The following BATF variants were observed in gnomAD, a reference collection of about 807,000 sequenced individuals.
BATF encodes the protein basic leucine zipper ATF-like transcription factor.
BATF carries 5 observed loss-of-function variants against 13.7 expected under a neutral mutation model. The ratio of observed to expected loss-of-function variants is 0.36; its 90% confidence interval spans 0.19 to 0.77. The LOEUF (loss-of-function observed/expected upper bound fraction) is 0.77. Ranked by LOEUF, BATF falls within the 30% of genes least tolerant of loss-of-function variation. BATF has a pLI of 0.51. For missense variants in BATF, 124 were observed against 163.0 expected (o/e 0.76, Z 1.30); for synonymous variants, 72 against 67.5 (o/e 1.07, Z -0.33).
At chr14:75,526,773 C>T (rs1379223897) in intron 2 of BATF, among the ~76,000 whole-genome samples, 1 of 152,172 alleles carries the variant, frequency 6.6e-6, no homozygotes, top group Non-Finnish European at 1.5e-5. Context: ...CACTGTGTCC[C>T]CACATTCTGG....
At position 75,525,309 on chromosome 14, in the gene BATF, G is replaced by A. The variant is rs562272329; in HGVS notation, c.168+121G>A. The A allele has an allele frequency of 2.9e-5, 31 of 1,068,580 alleles. No homozygotes were observed. The East Asian group carries it at 7.9e-4, about 27-fold the overall frequency. 66.2% of individuals were successfully genotyped at this position (1,068,580 alleles called of 1,614,324 possible). On this transcript the variant is annotated intron_variant, in intron 2 of 2. Transcript: ENST00000286639. ...GGGGATGTGTATGTGGGGTGGGTTAGTGGAGGGTGAGGGCCGTGGGGTGAG... is the reference window on the plus strand; with the variant it reads ...GGGGATGTGTATGTGGGGTGGGTTAATGGAGGGTGAGGGCCGTGGGGTGAG...
At position 75,546,698 on chromosome 14, in the gene BATF, T is replaced by A. The variant is rs1419550898; in HGVS notation, c.*27T>A. The A allele has an allele frequency of 3.3e-6, 5 of 1,536,398 alleles. No homozygotes were observed. Among genetic ancestry groups the A allele is most frequent in the Non-Finnish European group, 3.5e-6 (4 of 1,141,602 alleles). On this transcript the variant is annotated 3_prime_UTR_variant, in exon 3 of 3. Coordinates refer to ENST00000286639, the MANE Select transcript of BATF (RefSeq NM_006399.5). ...CTTCCGATGCGGGGAGAGCAGAGCC[T>A]CGGGAGGGGCACACAGACTGTGGCA...
chr14:75,534,177 T>C (rs1887785075), intron 2 of BATF, among the ~76,000 whole-genome samples: 1 of 152,186 alleles, frequency 6.6e-6, no homozygotes, highest in African/African-American at 2.4e-5. Flanking sequence ...GGAAAATATT[T>C]GCATCAAATT....
chr14:75,535,934 A>G (rs1887809822), intron 2 of BATF, among the ~76,000 whole-genome samples: 3 of 152,260 alleles, frequency 2.0e-5, no homozygotes, highest in Admixed American at 2.0e-4. Context: ...TTAAGAGAGT[A>G]GGATGACACA....
At chr14:75,524,530 G>A (rs1378792471) in intron 1 of BATF, among the ~76,000 whole-genome samples, 1 of 152,060 alleles carries the variant, frequency 6.6e-6, no homozygotes, top group Non-Finnish European at 1.5e-5. Context: ...ATGACCAGGA[G>A]TCCTTGGGCA....
chr14:75,544,610 C>T (rs77602461), intron 2 of BATF, among the ~76,000 whole-genome samples: 3,845 of 151,252 alleles, frequency 0.025, 178 homozygotes, highest in African/African-American at 0.089. Context: ...GACTTCACTC[C>T]GCAAATCCCA....
Position 75,522,481 on chromosome 14 carries a change from A to C in BATF, c.-202A>C. The C allele has an allele frequency of 1.7e-6, 1 of 579,450 alleles. No individual in the cohort carries two copies. 35.9% of individuals were successfully genotyped at this position (579,450 alleles called of 1,614,324 possible). On this transcript the variant is annotated 5_prime_UTR_variant, in exon 1 of 3. An upstream start codon of the reference 5' UTR is lost. Coordinates refer to ENST00000286639, the MANE Select transcript of BATF (RefSeq NM_006399.5). ...GCGTGCAAGCCCCAAAGCGAGCGACATGTCCCTTTGGGGAGCAGTCCCTCT... is the reference window on the plus strand; with the variant it reads ...GCGTGCAAGCCCCAAAGCGAGCGACCTGTCCCTTTGGGGAGCAGTCCCTCT...
At chr14:75,530,034 A>G (rs1419459390) in intron 2 of BATF, among the ~76,000 whole-genome samples, 2 of 147,910 alleles carry the variant, frequency 1.4e-5, no homozygotes, top group Non-Finnish European at 3.0e-5. Context: ...ACTGCACTCC[A>G]GCCTGGGAGA....
At chr14:75,536,890 C>G (rs1887827364) in intron 2 of BATF, among the ~76,000 whole-genome samples, 1 of 152,156 alleles carries the variant, frequency 6.6e-6, no homozygotes, top group East Asian at 1.9e-4. Context: ...TAGCACCTCA[C>G]TAGGCTGTTT....
chr14:75,529,791 C>A lies in BATF; in HGVS notation c.168+4603C>A, dbSNP rs926589367. ...AAAGAAAAATGAACAATGGGCCGGG[C>A]GCGGCGGCTCACGCCTTAATCCCAG... On this transcript the variant is annotated intron_variant, in intron 2 of 2. Transcript: ENST00000286639. 2.6e-5 allele frequency among the ~76,000 whole-genome samples: 4 copies of A among 152,224 alleles called. No individual in the cohort carries two copies. The East Asian group carries it at 5.8e-4, about 22-fold the overall frequency.
At chr14:75,540,485 C>T (rs922419283) in intron 2 of BATF, among the ~76,000 whole-genome samples, 3 of 152,086 alleles carry the variant, frequency 2.0e-5, no homozygotes, top group Non-Finnish European at 2.9e-5. Context: ...GGAAAGCCAC[C>T]GGGGCTGAGG....
intron 1 of BATF, among the ~76,000 whole-genome samples, chr14:75,524,265 CA>C (rs1887619754): frequency 6.6e-6 from 1 of 152,322 alleles, no homozygotes; most frequent in African/African-American, 2.4e-5. Context: ...TCCTACCAAG[CA>C]CCCATCTACT....
intron 2 of BATF, 61 bp from the exon 3 acceptor site, chr14:75,546,401 C>T (rs1157390274): frequency 6.4e-7 from 1 of 1,573,440 alleles, no homozygotes; most frequent in Non-Finnish European, 8.7e-7. Context: ...TCCCTCCGCA[C>T]CCCACCCACC....
intron 1 of BATF, among the ~76,000 whole-genome samples, chr14:75,524,335 G>A (rs962571438): frequency 1.3e-5 from 2 of 152,210 alleles, no homozygotes; most frequent in African/African-American, 4.8e-5. Context: ...GATGTGCCAG[G>A]CATTGTGCTG....
At chr14:75,528,345 A>G (rs1307641786) in intron 2 of BATF, among the ~76,000 whole-genome samples, 1 of 152,206 alleles carries the variant, frequency 6.6e-6, no homozygotes, top group African/African-American at 2.4e-5. Flanking sequence ...TACTGAAACA[A>G]TTATCTTGTT....
chr14:75,537,045 C>T (rs1461974595), intron 2 of BATF, among the ~76,000 whole-genome samples: 2 of 150,886 alleles, frequency 1.3e-5, no homozygotes, highest in African/African-American at 4.8e-5. Context: ...ACACGTTCTT[C>T]TTTCTGGTTG....
rs560088152 is a variant in BATF at position 75,541,336 on chromosome 14, A to G, written c.169-5126A>G. On this transcript the variant is annotated intron_variant, in intron 2 of 2. Transcript: ENST00000286639. ...GAGGCAACTGGAGCTGAATAGGGAA[A>G]TCGAGTCACTGAGGATCACCCAGCC... 2.5e-3 allele frequency among the ~76,000 whole-genome samples: 378 copies of G among 152,306 alleles called. 3 individuals are homozygous for G. Among genetic ancestry groups the G allele is most frequent in the Non-Finnish European group, 3.3e-3 (224 of 68,038 alleles).
intron 2 of BATF, among the ~76,000 whole-genome samples, chr14:75,534,095 G>A (rs1887784140): frequency 1.3e-5 from 2 of 152,240 alleles, no homozygotes; most frequent in African/African-American, 4.8e-5. Flanking sequence ...AGGGGCTGAA[G>A]TGTAAATGTT....
chr14:75,532,554 C>T (rs1446977547), intron 2 of BATF, among the ~76,000 whole-genome samples: 1 of 152,140 alleles, frequency 6.6e-6, no homozygotes, highest in Non-Finnish European at 1.5e-5. Flanking sequence ...ACATCTTTCA[C>T]AGGAATTACC....
Sources: gnomAD v4.1 joint callset for allele counts (sites outside exome capture counted in the v4.1 genomes callset) on GRCh38, gnomAD v4.1.1 for gene constraint, MANE v1.5 for transcripts, NCBI Gene and HGNC (gene_info 2026-07-23, HGNC 2026-07-21) for gene names.